MICAL2: variants seen among roughly 807,000 people sequenced by gnomAD.
MICAL2 encodes the protein [F-actin]-monooxygenase MICAL2.
A neutral mutation model predicts 127.3 loss-of-function variants in MICAL2; 77 were observed. That is an observed-to-expected ratio of 0.60 (90% CI 0.50 to 0.73). MICAL2 has a LOEUF of 0.73. Among genes scored for constraint, MICAL2 ranks in the 30% least tolerant of loss-of-function variants. The pLI is 0.00. For synonymous variants in MICAL2, 570 were observed against 551.1 expected (o/e 1.03, Z -0.48); for missense variants, 1,351 against 1,434.4 (o/e 0.94, Z 0.94).
At chr11:12,175,255 C>T (rs1856705392) in intron 3 of MICAL2, among the ~76,000 whole-genome samples, 1 of 152,106 alleles carries the variant, frequency 6.6e-6, no homozygotes, top group South Asian at 2.1e-4. Context: ...GCATGCAAAT[C>T]ACCTGAGGTC....
At chr11:12,222,868 C>T in intron 11 of MICAL2, 125 bp downstream of exon 11, 2 of 1,227,506 alleles carry the variant, frequency 1.6e-6, no homozygotes, top group African/African-American at 1.5e-5. Flanking sequence ...GCCTGCTGGC[C>T]TAATGGTGGG....
chr11:12,228,678 C>T (rs1412189624), intron 15 of MICAL2, among the ~76,000 whole-genome samples: 1 of 152,080 alleles, frequency 6.6e-6, no homozygotes, highest in African/African-American at 2.4e-5. Context: ...GAGAGGGAGT[C>T]GGGAAGCCCA....
chr11:12,274,123 G>A (rs577060192), upstream of MICAL2, among the ~76,000 whole-genome samples: 18 of 152,152 alleles, frequency 1.2e-4, no homozygotes, highest in Non-Finnish European at 2.4e-4. Context: ...GTAGACAAAT[G>A]AGGACACAAG....
intron 3 of MICAL2, among the ~76,000 whole-genome samples, chr11:12,193,648 T>C (rs1859505988): frequency 6.6e-6 from 1 of 152,206 alleles, no homozygotes; most frequent in African/African-American, 2.4e-5. Flanking sequence ...GAGTCACACC[T>C]GGCAGTGACT....
chr11:12,134,469 C>T (rs1308595306), intron 1 of MICAL2, among the ~76,000 whole-genome samples: 1 of 152,212 alleles, frequency 6.6e-6, no homozygotes, highest in African/African-American at 2.4e-5. Context: ...GTAACTTCTT[C>T]TCCCAGGAAG....
intron 22 of MICAL2, chr11:12,253,089 C>T (rs1346765925): frequency 1.3e-5 from 2 of 152,242 alleles, no homozygotes; most frequent in East Asian, 3.9e-4. Context: ...GCTTCCAGAG[C>T]TGGGGGTGAG....
chr11:12,137,153 C>G (rs949166678), intron 1 of MICAL2, among the ~76,000 whole-genome samples: 3 of 152,240 alleles, frequency 2.0e-5, no homozygotes, highest in South Asian at 2.1e-4. Flanking sequence ...GGCAGGCCAG[C>G]CTGTTTGTCA....
rs1854894236 is a variant in MICAL2, at chr11:12,162,183, G to T, written c.28G>T (p.Ala10Ser). 15 of 1,614,204 alleles carry T rather than the reference G, an allele frequency of 9.3e-6. No homozygotes were observed. Among genetic ancestry groups the T allele is most frequent in the African/African-American group, 1.3e-5 (1 of 75,038 alleles). The change falls in exon 3 of 28, where the codon GCC becomes TCC. Residue 10 changes from alanine to serine, a missense_variant. Coordinates refer to ENST00000683283, the MANE Select transcript of MICAL2 (RefSeq NM_001282663.2). MGENEDEKQ[A>S]QAGQVFENFV... ...GGGGGAAAACGAGGATGAGAAGCAG[G>T]CCCAGGCGGGGCAGGTTTTTGAGAA... is the stretch of plus-strand genomic sequence containing the variant.
intron 3 of MICAL2, among the ~76,000 whole-genome samples, chr11:12,172,713 G>A (rs1472907124): frequency 6.6e-6 from 1 of 152,094 alleles, no homozygotes. Context: ...AGCAAACTGA[G>A]AGAGGCTCCT....
intron 2 of MICAL2, among the ~76,000 whole-genome samples, chr11:12,145,355 G>A (rs1852785963): frequency 6.6e-6 from 1 of 152,198 alleles, no homozygotes; most frequent in Admixed American, 6.5e-5. Flanking sequence ...GCCGGGGCCT[G>A]GAAAGACAGA....
At chr11:12,291,024 C>G (rs1389550), downstream of MICAL2, among the ~76,000 whole-genome samples, 137,557 of 152,082 alleles carry the variant, frequency 0.9, 62,370 homozygotes, top group East Asian at 0.94. Context: ...CTGAAGGCTA[C>G]ACACCCTGCA....
At position 12,153,637 on chromosome 11, in the gene MICAL2, C is replaced by T. The variant is rs141366703; in HGVS notation, c.-77-8442C>T. On this transcript the variant is annotated intron_variant, in intron 2 of 27. Transcript: ENST00000683283. ...ATTTTTGGTAGAGATGGGGTTTCAC[C>T]ATATTGGTCAGGCTGGTCTCAAACT... Among the ~76,000 whole-genome samples the T allele has an allele frequency of 6.8e-3, 1,039 of 152,258 alleles. 18 individuals are homozygous for T. The highest frequency in any genetic ancestry group is 0.024 in the African/African-American group (980 of 41,546).
downstream of MICAL2, among the ~76,000 whole-genome samples, chr11:12,291,519 T>A (rs952947705): frequency 2.6e-5 from 4 of 152,204 alleles, no homozygotes; most frequent in Non-Finnish European, 1.5e-5. Flanking sequence ...GTAGCCACAC[T>A]GTATCCTGTT....
At chr11:12,361,137 C>T (rs1165898441), downstream of MICAL2, among the ~76,000 whole-genome samples, 1 of 152,160 alleles carries the variant, frequency 6.6e-6, no homozygotes, top group Non-Finnish European at 1.5e-5. Context: ...GACAGAAAGC[C>T]CAGCCTCAGG....
chr11:12,346,865 A>G (rs899727291), intron 32 of MICAL2, among the ~76,000 whole-genome samples: 1 of 152,170 alleles, frequency 6.6e-6, no homozygotes, highest in Non-Finnish European at 1.5e-5. Flanking sequence ...CAAGAAACCT[A>G]AGAAAGATTA....
At position 12,313,942 on chromosome 11, in the gene MICAL2, G is replaced by A. The variant is rs137919913; in HGVS notation, c.5213-5754G>A. Among the ~76,000 whole-genome samples, 413 of 109,422 alleles carry A rather than the reference G, an allele frequency of 3.8e-3. 3 individuals carry two copies. Among genetic ancestry groups the A allele is most frequent in the African/African-American group, 0.013 (397 of 29,674 alleles). 71.8% of individuals were successfully genotyped at this position (109,422 alleles called of 152,430 possible). On this transcript the variant is annotated intron_variant, in intron 29 of 34. Coordinates refer to the MICAL2 transcript ENST00000646065. The stretch of plus-strand genomic sequence containing the variant: ...GTCCCTGATTTTTGTTGTATTTCTG[G>A]CCTTAATGTCTTGGTCTGATTTTTT...
chr11:12,360,269 T>C (rs1369178098), downstream of MICAL2, among the ~76,000 whole-genome samples: 1 of 152,214 alleles, frequency 6.6e-6, no homozygotes, highest in Non-Finnish European at 1.5e-5. Flanking sequence ...TGAGAATTGA[T>C]AATATCATTT....
At chr11:12,252,692 A>G (rs1294992559) in intron 22 of MICAL2, 2 of 152,246 alleles carry the variant, frequency 1.3e-5, no homozygotes, top group African/African-American at 4.8e-5. Context: ...GCTACCAGGA[A>G]TAGGGGAGCT....
chr11:12,344,957 C>CA (rs1938930293), intron 32 of MICAL2, among the ~76,000 whole-genome samples: 1 of 150,462 alleles, frequency 6.6e-6, no homozygotes, highest in Non-Finnish European at 1.5e-5. Flanking sequence ...AAAAAAAGTA[C>CA]AAAAAATTAG....
Sources: gnomAD v4.1 joint callset for allele counts (sites outside exome capture counted in the v4.1 genomes callset) on GRCh38, gnomAD v4.1.1 for gene constraint, MANE v1.5 for transcripts, NCBI Gene and HGNC (gene_info 2026-07-23, HGNC 2026-07-21) for gene names.